The following DGKG variants were observed in gnomAD, a reference collection of about 807,000 sequenced individuals.
The protein encoded by DGKG is diacylglycerol kinase gamma.
Under a neutral mutation model 105.3 loss-of-function variants are expected in DGKG, and 78 were observed. The observed-to-expected ratio is 0.74, with a 90% CI of 0.62 to 0.89. The LOEUF (loss-of-function observed/expected upper bound fraction) is 0.89. Among genes scored for constraint, DGKG ranks in the 40% least tolerant of loss-of-function variants. The pLI is 0.00. For missense variants in DGKG, 958 were observed against 1,020.1 expected (o/e 0.94, Z 0.83); for synonymous variants, 346 against 367.1 (o/e 0.94, Z 0.66).
chr3:186,264,660 G>A (rs1721958167), intron 14 of DGKG, among the ~76,000 whole-genome samples: 1 of 152,168 alleles, frequency 6.6e-6, no homozygotes, highest in African/African-American at 2.4e-5. Flanking sequence ...TCTCCTTTGA[G>A]CGGAGGAAAC....
At chr3:186,281,787 A>G (rs1722840968) in intron 7 of DGKG, among the ~76,000 whole-genome samples, 1 of 152,182 alleles carries the variant, frequency 6.6e-6, no homozygotes, top group Non-Finnish European at 1.5e-5. Context: ...GAGAAAACGT[A>G]TTTCAGGAAC....
chr3:186,326,323 TG>T (rs1725340870), intron 1 of DGKG, among the ~76,000 whole-genome samples: 1 of 150,964 alleles, frequency 6.6e-6, no homozygotes, highest in African/African-American at 2.4e-5. Flanking sequence ...ACCTGGGAGG[TG>T]GGGGTTGGAT....
chr3:186,342,584 C>T (rs957000188), intron 1 of DGKG, among the ~76,000 whole-genome samples: 1 of 151,742 alleles, frequency 6.6e-6, no homozygotes, highest in African/African-American at 2.4e-5. Flanking sequence ...TGTTTTATTT[C>T]TGTTTTTTTT....
intron 6 of DGKG, among the ~76,000 whole-genome samples, chr3:186,285,659 C>A (rs1278367695): frequency 2.7e-5 from 4 of 150,698 alleles, no homozygotes. Flanking sequence ...CTTCATTTTC[C>A]TGCTATTCTT....
At chr3:186,263,649 A>G (rs375390482) in intron 14 of DGKG, among the ~76,000 whole-genome samples, 1,315 of 109,836 alleles carry the variant, frequency 0.012, 16 homozygotes, top group African/African-American at 0.036. Flanking sequence ...TTTGTTGTTC[A>G]TTTGTATTTT....
intron 5 of DGKG, among the ~76,000 whole-genome samples, chr3:186,289,631 C>T (rs1487893962): frequency 6.6e-6 from 1 of 152,148 alleles, no homozygotes; most frequent in African/African-American, 2.4e-5. Context: ...GTGCTGTCTT[C>T]CGTCTCTACC....
chr3:186,234,299 T>C (rs1302722358), intron 20 of DGKG, among the ~76,000 whole-genome samples: 4 of 152,236 alleles, frequency 2.6e-5, no homozygotes, highest in African/African-American at 9.6e-5. Context: ...TTCCAGCACC[T>C]TCTCAACCTC....
chr3:186,202,089 C>T (rs1017698798), intron 21 of DGKG, among the ~76,000 whole-genome samples: 7 of 152,090 alleles, frequency 4.6e-5, no homozygotes, highest in African/African-American at 7.2e-5. Context: ...GATGCAGTTT[C>T]CTTGGGTAAA....
intron 21 of DGKG, among the ~76,000 whole-genome samples, chr3:186,211,028 G>C (rs1719012710): frequency 6.6e-6 from 1 of 152,182 alleles, no homozygotes; most frequent in African/African-American, 2.4e-5. Context: ...GAGAGGGTGG[G>C]AAGTGGGCAG....
chr3:186,301,020 A>G (rs575394144), intron 3 of DGKG, among the ~76,000 whole-genome samples: 1 of 152,342 alleles, frequency 6.6e-6, no homozygotes, highest in East Asian at 1.9e-4. Flanking sequence ...TGACACCATT[A>G]TGCTCCCAAC....
Position 186,320,724 on chromosome 3 carries a change from A to C in DGKG, c.-248-17T>G, listed in dbSNP as rs1725035836. 10 of 407,490 alleles carry C rather than the reference A, an allele frequency of 2.5e-5. No homozygotes were observed. The East Asian group carries it at 3.8e-4, about 15-fold the overall frequency. The allele number at this position is 407,490 out of a possible 1,614,324, so 25.2% of individuals were successfully genotyped here. ...TGGCTCTTCCTAGATAGAAGCAGAA[A>C]AGACATTGTAAATGAGAATGTTAAA... is the stretch of plus-strand genomic sequence containing the variant. On this transcript the variant is annotated splice_polypyrimidine_tract_variant and intron_variant, in intron 1 of 24. Coordinates refer to ENST00000265022, the MANE Select transcript of DGKG (RefSeq NM_001346.3).
intron 1 of DGKG, among the ~76,000 whole-genome samples, chr3:186,342,316 A>T (rs936220561): frequency 1.2e-4 from 18 of 152,204 alleles, no homozygotes; most frequent in African/African-American, 4.1e-4. Flanking sequence ...TGAGTTCATT[A>T]TGAGCATTTT....
chr3:186,335,536 G>A (rs1412041433), intron 1 of DGKG, among the ~76,000 whole-genome samples: 1 of 152,084 alleles, frequency 6.6e-6, no homozygotes, highest in Non-Finnish European at 1.5e-5. Context: ...TTCATTTAAA[G>A]TATACTCCAT....
intron 19 of DGKG, among the ~76,000 whole-genome samples, chr3:186,244,947 C>T (rs936916461): frequency 1.3e-5 from 2 of 152,044 alleles, no homozygotes; most frequent in African/African-American, 2.4e-5. Flanking sequence ...AAATGCTTCT[C>T]TAAAATTCGA....
At position 186,184,695 on chromosome 3, in the gene DGKG, C is replaced by T. The variant is rs149397032; in HGVS notation, c.2095+3507G>A. Reference sequence around the variant, plus strand: ...GATTACAGGTGTGAGCCACTGCGCCCGGCCTGATGAGAGATTTGAGAGCAA... The same window carrying T: ...GATTACAGGTGTGAGCCACTGCGCCTGGCCTGATGAGAGATTTGAGAGCAA... On this transcript the variant is annotated intron_variant, in intron 22 of 24. Transcript: ENST00000265022. 3.4e-4 allele frequency among the ~76,000 whole-genome samples: 52 copies of T among 152,230 alleles called. No individual in the cohort carries two copies. In the East Asian group the frequency reaches 5.8e-3, roughly 17 times the overall value.
At chr3:186,246,012 C>A (rs1192885087) in intron 19 of DGKG, among the ~76,000 whole-genome samples, 1 of 152,022 alleles carries the variant, frequency 6.6e-6, no homozygotes, top group Non-Finnish European at 1.5e-5. Context: ...CACTCCGTTG[C>A]CCAGCCTGGA....
At chr3:186,196,231 A>G (rs1370751792) in intron 21 of DGKG, among the ~76,000 whole-genome samples, 3 of 149,136 alleles carry the variant, frequency 2.0e-5, no homozygotes, top group African/African-American at 7.5e-5. Context: ...TCCACCTCCC[A>G]GGTTCAAGTG....
At chr3:186,275,313 G>A (rs922338637) in intron 10 of DGKG, among the ~76,000 whole-genome samples, 6 of 152,292 alleles carry the variant, frequency 3.9e-5, no homozygotes, top group African/African-American at 1.4e-4. Context: ...CTTCTAGGGG[G>A]TCAGTGGCTC....
intron 9 of DGKG, among the ~76,000 whole-genome samples, chr3:186,277,888 G>T (rs1344855340): frequency 2.6e-5 from 4 of 152,100 alleles, no homozygotes; most frequent in African/African-American, 9.7e-5. Context: ...TTTTGAAAAA[G>T]CCCAAGAAGC....
Sources: gnomAD v4.1 joint callset for allele counts (sites outside exome capture counted in the v4.1 genomes callset) on GRCh38, gnomAD v4.1.1 for gene constraint, MANE v1.5 for transcripts, NCBI Gene and HGNC (gene_info 2026-07-23, HGNC 2026-07-21) for gene names.